Variants in RAD51B observed in about 807,000 individuals in gnomAD.
The protein encoded by RAD51B is RAD51 paralog B.
RAD51B carries 38 observed loss-of-function variants against 42.2 expected under a neutral mutation model. The observed-to-expected ratio is 0.90, with a 90% CI of 0.70 to 1.18. RAD51B has a LOEUF of 1.18. RAD51B is among the 50% of genes most tolerant of loss of function. The pLI is 0.00. For missense variants in RAD51B, 373 were observed against 400.7 expected (o/e 0.93, Z 0.59); for synonymous variants, 154 against 145.2 (o/e 1.06, Z -0.43).
intron 8 of RAD51B, among the ~76,000 whole-genome samples, chr14:68,336,665 C>A (rs1323797953): frequency 6.6e-6 from 1 of 152,198 alleles, no homozygotes; most frequent in Non-Finnish European, 1.5e-5. Flanking sequence ...TGATAGAATT[C>A]TACTTGCCAC....
intron 8 of RAD51B, among the ~76,000 whole-genome samples, chr14:68,301,669 T>C (rs1383853326): frequency 6.9e-6 from 1 of 144,834 alleles, no homozygotes; most frequent in Non-Finnish European, 1.5e-5. Flanking sequence ...TGATCTCCAC[T>C]CACTGCAACC....
chr14:68,114,651 G>C (rs547538733), intron 7 of RAD51B, among the ~76,000 whole-genome samples: 2 of 152,144 alleles, frequency 1.3e-5, no homozygotes, highest in Non-Finnish European at 2.9e-5. Context: ...ATGTTTCATT[G>C]TCATGGGTTT....
At chr14:67,971,029 T>G (rs2074888098) in intron 7 of RAD51B, among the ~76,000 whole-genome samples, 1 of 152,072 alleles carries the variant, frequency 6.6e-6, no homozygotes, top group Non-Finnish European at 1.5e-5. Flanking sequence ...CTATTAAAGA[T>G]TATAATTTTT....
At chr14:67,969,130 A>G (rs2074845633) in intron 7 of RAD51B, among the ~76,000 whole-genome samples, 2 of 152,324 alleles carry the variant, frequency 1.3e-5, no homozygotes, top group Non-Finnish European at 2.9e-5. Flanking sequence ...CATGATTCAA[A>G]CCATCTCCCA....
chr14:68,654,467 G>A lies in RAD51B; in HGVS notation c.*11+3611G>A, dbSNP rs536982118. 3.3e-4 allele frequency among the ~76,000 whole-genome samples: 51 copies of A among 152,308 alleles called. 1 individual carries two copies. Among genetic ancestry groups the A allele is most frequent in the Admixed American group, 1.5e-3 (23 of 15,300 alleles). On this transcript the variant is annotated intron_variant, in intron 11 of 11. Coordinates refer to the RAD51B transcript ENST00000488612. ...CACCCCCTTTAGGAATTGCATTAAG[G>A]ACATGAGCTGCTAATTTTGTCGCTG...
intron 1 of RAD51B, 126 bp from the exon 2 acceptor site, chr14:67,823,416 G>A (rs1273889316): frequency 1.5e-6 from 1 of 648,150 alleles, no homozygotes; most frequent in African/African-American, 1.9e-5. Context: ...AACACAATAT[G>A]TTTCATTTTG....
intron 7 of RAD51B, among the ~76,000 whole-genome samples, chr14:68,217,704 T>C (rs552404119): frequency 2.2e-4 from 33 of 152,300 alleles, no homozygotes; most frequent in African/African-American, 6.7e-4. Context: ...TTAAATTTAA[T>C]ATAAGCCTGA....
At chr14:68,123,821 C>T (rs1412098427) in intron 7 of RAD51B, among the ~76,000 whole-genome samples, 2 of 152,088 alleles carry the variant, frequency 1.3e-5, no homozygotes, top group Admixed American at 6.5e-5. Flanking sequence ...AAAACAAAAC[C>T]AACCAACCAA....
chr14:67,910,551 G>A (rs778903963), intron 7 of RAD51B, among the ~76,000 whole-genome samples: 3 of 149,804 alleles, frequency 2.0e-5, no homozygotes, highest in Non-Finnish European at 3.0e-5. Flanking sequence ...GTTTGATATT[G>A]CTCATTTTTT....
chr14:68,022,121 C>T (rs1313354582), intron 7 of RAD51B, among the ~76,000 whole-genome samples: 1 of 152,134 alleles, frequency 6.6e-6, no homozygotes, highest in Non-Finnish European at 1.5e-5. Flanking sequence ...GTCTATTGTT[C>T]CCATGTTTAT....
chr14:68,431,840 G>T (rs1410128222), intron 9 of RAD51B, among the ~76,000 whole-genome samples: 1 of 152,154 alleles, frequency 6.6e-6, no homozygotes, highest in Non-Finnish European at 1.5e-5. Context: ...TAATTGTGAT[G>T]TTAGGGTGTC....
intron 9 of RAD51B, among the ~76,000 whole-genome samples, chr14:68,443,117 AATAAT>A (rs1235179268): frequency 1.3e-5 from 2 of 152,208 alleles, no homozygotes; most frequent in African/African-American, 4.8e-5. Context: ...AGGACTGAAA[AATAAT>A]AAAATAAAGA....
chr14:67,861,976 G>T (rs925290933), intron 4 of RAD51B, among the ~76,000 whole-genome samples: 2 of 134,824 alleles, frequency 1.5e-5, no homozygotes, highest in East Asian at 2.1e-4. Context: ...TTCAGTCAGT[G>T]GGGGGGAAGG....
intron 7 of RAD51B, among the ~76,000 whole-genome samples, chr14:68,246,160 A>G (rs532631925): frequency 9.9e-5 from 15 of 152,268 alleles, no homozygotes; most frequent in African/African-American, 3.6e-4. Flanking sequence ...AACTCCCTGG[A>G]CAGAAGTACG....
chr14:67,891,129 ATCT>A (rs61581469), intron 7 of RAD51B, among the ~76,000 whole-genome samples: 2,352 of 152,094 alleles, frequency 0.015, 67 homozygotes, highest in African/African-American at 0.053. Flanking sequence ...TCTCCCCTTA[ATCT>A]TCTTCTACTT....
chr14:67,864,364 G>A (rs535195238), intron 4 of RAD51B, among the ~76,000 whole-genome samples: 2 of 152,266 alleles, frequency 1.3e-5, no homozygotes, highest in South Asian at 2.1e-4. Flanking sequence ...ACATTTCAAA[G>A]TAGGAATCAC....
At chr14:68,151,284 C>A (rs920746404) in intron 7 of RAD51B, among the ~76,000 whole-genome samples, 3 of 151,576 alleles carry the variant, frequency 2.0e-5, no homozygotes, top group Non-Finnish European at 4.4e-5. Context: ...TTATCCTTAT[C>A]TTTGTTCCTC....
intron 9 of RAD51B, among the ~76,000 whole-genome samples, chr14:68,457,893 G>A (rs1283634177): frequency 3.4e-5 from 5 of 147,804 alleles, no homozygotes; most frequent in African/African-American, 7.5e-5. Flanking sequence ...GATTACAGGC[G>A]TGAGCCACTG....
intron 10 of RAD51B, among the ~76,000 whole-genome samples, chr14:68,555,909 C>T (rs1888819167): frequency 6.6e-6 from 1 of 152,172 alleles, no homozygotes; most frequent in South Asian, 2.1e-4. Context: ...GGTTTTTTCC[C>T]TGTGATACCT....
Sources: allele counts gnomAD v4.1 joint callset (sites outside exome capture counted in the v4.1 genomes callset), GRCh38; gene constraint gnomAD v4.1.1; transcripts MANE v1.5; gene names NCBI Gene and HGNC (gene_info 2026-07-23, HGNC 2026-07-21).